The following ANKS1B variants were observed in gnomAD, a reference collection of about 807,000 sequenced individuals.
ANKS1B encodes the protein ankyrin repeat and sterile alpha motif domain-containing protein 1B.
Under a neutral mutation model 148.3 loss-of-function variants are expected in ANKS1B, and 36 were observed. The observed-to-expected ratio is 0.24, with a 90% CI of 0.19 to 0.32. The LOEUF is 0.32. ANKS1B is among the 10% of genes least tolerant of loss of function. The pLI is 1.00. For synonymous variants in ANKS1B, 542 were observed against 560.8 expected (o/e 0.97, Z 0.47); for missense variants, 1,157 against 1,542.6 (o/e 0.75, Z 4.19).
intron 10 of ANKS1B, among the ~76,000 whole-genome samples, chr12:99,466,831 T>A (rs1259454109): frequency 6.6e-6 from 1 of 151,774 alleles, no homozygotes; most frequent in Non-Finnish European, 1.5e-5. Context: ...CAGGACCAGA[T>A]GGATTCACAG....
chr12:99,011,577 A>T (rs1738389463), intron 17 of ANKS1B, among the ~76,000 whole-genome samples: 1 of 152,238 alleles, frequency 6.6e-6, no homozygotes, highest in South Asian at 2.1e-4. Context: ...TGTACTATTC[A>T]TTGCACTGTC....
intron 22 of ANKS1B, among the ~76,000 whole-genome samples, chr12:98,789,007 C>T (rs2098822746): frequency 6.6e-6 from 1 of 152,122 alleles, no homozygotes; most frequent in Admixed American, 6.5e-5. Context: ...TCACATAAAA[C>T]AAAGAGTTCA....
At chr12:99,270,694 C>T (rs2076942990) in intron 12 of ANKS1B, among the ~76,000 whole-genome samples, 1 of 152,130 alleles carries the variant, frequency 6.6e-6, no homozygotes, top group Non-Finnish European at 1.5e-5. Context: ...CCATTTTTTG[C>T]ACTAGAGCTG....
chr12:99,211,176 A>C (rs568309072), intron 14 of ANKS1B, among the ~76,000 whole-genome samples: 3 of 152,330 alleles, frequency 2.0e-5, no homozygotes, highest in South Asian at 2.1e-4. Context: ...AAAAGGGGGA[A>C]ATTGTTAAAG....
At chr12:99,741,204 CAA>C (rs1299425004) in intron 8 of ANKS1B, among the ~76,000 whole-genome samples, 10 of 125,220 alleles carry the variant, frequency 8.0e-5, no homozygotes, top group Non-Finnish European at 1.7e-5. Flanking sequence ...TAGGCTCCGT[CAA>C]ACACACACAC....
intron 1 of ANKS1B, among the ~76,000 whole-genome samples, chr12:99,918,760 T>A (rs368375698): frequency 6.6e-6 from 1 of 152,204 alleles, no homozygotes; most frequent in African/African-American, 2.4e-5. Flanking sequence ...CAAGTATTAT[T>A]TAATATAGTT....
At chr12:99,201,388 T>G (rs2082051767) in intron 14 of ANKS1B, among the ~76,000 whole-genome samples, 1 of 152,206 alleles carries the variant, frequency 6.6e-6, no homozygotes. Flanking sequence ...TAAATACTCT[T>G]AACTCACTGG....
intron 4 of ANKS1B, among the ~76,000 whole-genome samples, chr12:99,794,503 T>A (rs1450894194): frequency 7.1e-5 from 7 of 99,270 alleles, no homozygotes; most frequent in African/African-American, 2.4e-4. Context: ...TTTCTTGGAG[T>A]ACTATACAGC....
At chr12:99,598,132 C>A (rs2097772595) in intron 9 of ANKS1B, among the ~76,000 whole-genome samples, 1 of 151,966 alleles carries the variant, frequency 6.6e-6, no homozygotes, top group Non-Finnish European at 1.5e-5. Flanking sequence ...TACATTGCCA[C>A]ATTAGATAAA....
chr12:99,015,621 CT>C (rs1300371649), intron 17 of ANKS1B, among the ~76,000 whole-genome samples: 1 of 152,170 alleles, frequency 6.6e-6, no homozygotes, highest in Non-Finnish European at 1.5e-5. Context: ...AATCCCAGCA[CT>C]TTGAGAGGCC....
chr12:98,890,641 C>T (rs1162750561), intron 17 of ANKS1B, among the ~76,000 whole-genome samples: 1 of 152,134 alleles, frequency 6.6e-6, no homozygotes, highest in East Asian at 1.9e-4. Context: ...CAACTACGTG[C>T]AAGTCATTCT....
chr12:99,654,306 G>A (rs919285172), intron 9 of ANKS1B, among the ~76,000 whole-genome samples: 12 of 152,136 alleles, frequency 7.9e-5, no homozygotes, highest in African/African-American at 2.7e-4. Flanking sequence ...CACTTTTCTG[G>A]ATAAGTACTG....
chr12:99,400,473 G>C (rs1191582303), intron 11 of ANKS1B, among the ~76,000 whole-genome samples: 1 of 145,472 alleles, frequency 6.9e-6, no homozygotes, highest in Non-Finnish European at 1.5e-5. Flanking sequence ...AAATCATGGA[G>C]TAATAGCAGA....
chr12:99,873,133 T>A (rs2091713975), intron 1 of ANKS1B, among the ~76,000 whole-genome samples: 1 of 152,162 alleles, frequency 6.6e-6, no homozygotes, highest in Non-Finnish European at 1.5e-5. Flanking sequence ...GTCAATCACT[T>A]AGCACTGTGT....
chr12:99,660,773 T>C lies in ANKS1B; in HGVS notation c.1129-5563A>G, dbSNP rs575610448. 3.3e-5 allele frequency among the ~76,000 whole-genome samples: 5 copies of C among 152,308 alleles called. No individual in the cohort carries two copies. The East Asian group carries it at 9.6e-4, about 29-fold the overall frequency. On this transcript the variant is annotated intron_variant, in intron 8 of 26. Coordinates refer to ENST00000683438, the MANE Select transcript of ANKS1B (RefSeq NM_001352186.2). Reference sequence around the variant, plus strand: ...TTTTCCTCTTCCTTAAAACCTTCAATAGCTTTTCATGTTCTTCTGATAAAG... The same window carrying C: ...TTTTCCTCTTCCTTAAAACCTTCAACAGCTTTTCATGTTCTTCTGATAAAG...
chr12:99,040,229 C>T (rs1323169613), intron 17 of ANKS1B, among the ~76,000 whole-genome samples: 1 of 151,994 alleles, frequency 6.6e-6, no homozygotes. Context: ...GAAACAGGCA[C>T]CCTCTCTGTT....
At chr12:99,912,283 T>C (rs1385415715) in intron 1 of ANKS1B, among the ~76,000 whole-genome samples, 1 of 152,226 alleles carries the variant, frequency 6.6e-6, no homozygotes, top group Non-Finnish European at 1.5e-5. Flanking sequence ...GTGTGTTTAC[T>C]GTTTACAGTG....
At chr12:99,075,593 C>G (rs76558605) in intron 16 of ANKS1B, among the ~76,000 whole-genome samples, 2,817 of 152,154 alleles carry the variant, frequency 0.019, 84 homozygotes, top group African/African-American at 0.059. Flanking sequence ...GGTTTTTGAC[C>G]TTAACATTGA....
chr12:99,548,260 C>T (rs2097188265), intron 9 of ANKS1B, among the ~76,000 whole-genome samples: 1 of 152,152 alleles, frequency 6.6e-6, no homozygotes, highest in African/African-American at 2.4e-5. Flanking sequence ...TAACTAAAGA[C>T]AGCAGCATCT....
Sources: gnomAD v4.1 joint callset for allele counts (sites outside exome capture counted in the v4.1 genomes callset) on GRCh38, gnomAD v4.1.1 for gene constraint, MANE v1.5 for transcripts, NCBI Gene and HGNC (gene_info 2026-07-23, HGNC 2026-07-21) for gene names.